The following LRMDA variants were observed in gnomAD, a reference collection of about 807,000 sequenced individuals.
LRMDA encodes the protein leucine-rich melanocyte differentiation-associated protein.
A neutral mutation model predicts 29.8 loss-of-function variants in LRMDA; 18 were observed. The observed-to-expected ratio is 0.60, with a 90% confidence interval of 0.42 to 0.90. The LOEUF is 0.90. Among genes scored for constraint, LRMDA ranks in the 40% least tolerant of loss-of-function variants. The pLI is 0.00. For synonymous variants in LRMDA, 125 were observed against 109.4 expected (o/e 1.14, Z -0.89); for missense variants, 273 against 273.9 (o/e 1.00, Z 0.02).
At chr10:75,838,731 G>C (rs985872421) in intron 2 of LRMDA, among the ~76,000 whole-genome samples, 12 of 152,314 alleles carry the variant, frequency 7.9e-5, no homozygotes, top group African/African-American at 2.9e-4. Context: ...CCTACATTGT[G>C]ATCACATATG....
intron 6 of LRMDA, among the ~76,000 whole-genome samples, chr10:76,550,730 C>T (rs1411467355): frequency 3.3e-5 from 5 of 151,998 alleles, no homozygotes; most frequent in African/African-American, 9.7e-5. Flanking sequence ...CTCAGATGTG[C>T]GGCAGATGAA....
chr10:75,897,032 C>T (rs1845595299), intron 2 of LRMDA, among the ~76,000 whole-genome samples: 1 of 152,172 alleles, frequency 6.6e-6, no homozygotes, highest in Admixed American at 6.5e-5. Context: ...GGCAGATTTA[C>T]ACTGGTTATA....
intron 6 of LRMDA, among the ~76,000 whole-genome samples, chr10:76,404,427 A>C (rs575296328): frequency 5.3e-4 from 81 of 152,302 alleles, no homozygotes; most frequent in African/African-American, 1.9e-3. Context: ...TGCTTACTTG[A>C]TGGCTGGCTT....
intron 2 of LRMDA, among the ~76,000 whole-genome samples, chr10:76,028,734 C>G (rs1848102086): frequency 6.6e-6 from 1 of 151,936 alleles, no homozygotes; most frequent in Non-Finnish European, 1.5e-5. Context: ...GCAGTTATGA[C>G]TCTACTTCTA....
chr10:75,750,776 C>T (rs868862883), intron 2 of LRMDA, among the ~76,000 whole-genome samples: 17 of 151,632 alleles, frequency 1.1e-4, no homozygotes, highest in African/African-American at 4.1e-4. Flanking sequence ...GGCAGAGACG[C>T]TCCTCACTTC....
Position 76,496,982 on chromosome 10 carries a change from T to A in LRMDA, c.602-60227T>A, listed in dbSNP as rs1260710048. On this transcript the variant is annotated intron_variant, in intron 6 of 6. Coordinates refer to ENST00000611255, the MANE Select transcript of LRMDA (RefSeq NM_001305581.2). ...CTATTCTTTAACTGTGCATTGGTGG[T>A]AGGGTGTTGTGTAGGTTTCTTGTCT... Among the ~76,000 whole-genome samples, 4 of 75,308 alleles carry A rather than the reference T, an allele frequency of 5.3e-5. 1 individual carries two copies. The East Asian group carries it at 1.0e-3, about 19-fold the overall frequency. The allele number at this position is 75,308 out of a possible 152,430, so 49.4% of individuals were successfully genotyped here. A position where few individuals can be genotyped will look rare whatever the true frequency, so the allele number is the denominator to read the frequency against.
At chr10:75,622,184 G>A (rs937539510) in intron 2 of LRMDA, among the ~76,000 whole-genome samples, 1 of 152,192 alleles carries the variant, frequency 6.6e-6, no homozygotes, top group Non-Finnish European at 1.5e-5. Flanking sequence ...TGTATTTAGA[G>A]ATGATGGTAT....
At chr10:75,491,810 T>C (rs1224213156) in intron 2 of LRMDA, among the ~76,000 whole-genome samples, 1 of 152,224 alleles carries the variant, frequency 6.6e-6, no homozygotes, top group Admixed American at 6.5e-5. Context: ...CCTTGGAATA[T>C]GTTCCTCTTT....
At chr10:76,335,242 A>G (rs962775436) in intron 6 of LRMDA, among the ~76,000 whole-genome samples, 2 of 152,206 alleles carry the variant, frequency 1.3e-5, no homozygotes, top group African/African-American at 4.8e-5. Context: ...TTTGTTTGCA[A>G]ATTAGGATAA....
At chr10:76,237,657 G>A (rs903053516) in intron 5 of LRMDA, among the ~76,000 whole-genome samples, 6 of 152,072 alleles carry the variant, frequency 3.9e-5, no homozygotes, top group African/African-American at 1.4e-4. Flanking sequence ...GAGATCAGTT[G>A]TTGGCAATTC....
At chr10:75,663,514 T>C (rs1235537989) in intron 2 of LRMDA, among the ~76,000 whole-genome samples, 1 of 152,186 alleles carries the variant, frequency 6.6e-6, no homozygotes, top group Non-Finnish European at 1.5e-5. Context: ...GTCCATTTCA[T>C]TCTCCAGCTT....
intron 5 of LRMDA, among the ~76,000 whole-genome samples, chr10:76,205,006 C>T (rs966935167): frequency 1.3e-5 from 2 of 152,000 alleles, no homozygotes; most frequent in Admixed American, 6.6e-5. Context: ...AAATGAGGGC[C>T]CCACATAATA....
chr10:76,095,643 T>C (rs1433397874), intron 5 of LRMDA, among the ~76,000 whole-genome samples: 1 of 152,260 alleles, frequency 6.6e-6, no homozygotes, highest in Non-Finnish European at 1.5e-5. Flanking sequence ...TCTACTCACT[T>C]GCTATATATA....
intron 5 of LRMDA, among the ~76,000 whole-genome samples, chr10:76,171,951 G>T (rs556065160): frequency 6.6e-6 from 1 of 152,274 alleles, no homozygotes; most frequent in African/African-American, 2.4e-5. Context: ...AGACTGGGCA[G>T]CTGCATCTAG....
chr10:76,329,720 A>G (rs1840881250), intron 6 of LRMDA, among the ~76,000 whole-genome samples: 1 of 152,194 alleles, frequency 6.6e-6, no homozygotes, highest in Admixed American at 6.5e-5. Flanking sequence ...ATTAGTTATC[A>G]TTTGCAGTTT....
intron 2 of LRMDA, among the ~76,000 whole-genome samples, chr10:75,692,225 T>A (rs201712677): frequency 0.01 from 701 of 69,404 alleles, 11 homozygotes; most frequent in Admixed American, 0.015. Context: ...AAAAAATATA[T>A]ATATATATAT....
At chr10:75,683,220 C>A (rs1219858610) in intron 2 of LRMDA, among the ~76,000 whole-genome samples, 1 of 152,112 alleles carries the variant, frequency 6.6e-6, no homozygotes, top group African/African-American at 2.4e-5. Flanking sequence ...TGCTGTAAAC[C>A]AGGCCAAGGC....
intron 2 of LRMDA, among the ~76,000 whole-genome samples, chr10:75,942,694 C>A (rs1846411969): frequency 6.6e-6 from 1 of 152,164 alleles, no homozygotes; most frequent in African/African-American, 2.4e-5. Flanking sequence ...AACTTCTCAT[C>A]AATTAATGTG....
At chr10:75,663,162 A>G (rs1024868821) in intron 2 of LRMDA, among the ~76,000 whole-genome samples, 5 of 152,108 alleles carry the variant, frequency 3.3e-5, no homozygotes, top group African/African-American at 1.2e-4. Flanking sequence ...AATCTGTGGC[A>G]TTTTTTGTAG....
Sources: gnomAD v4.1 joint callset for allele counts (sites outside exome capture counted in the v4.1 genomes callset) on GRCh38, gnomAD v4.1.1 for gene constraint, MANE v1.5 for transcripts, NCBI Gene and HGNC (gene_info 2026-07-23, HGNC 2026-07-21) for gene names.